The following IGSF21 variants were observed in gnomAD, a reference collection of about 807,000 sequenced individuals.
IGSF21 encodes the protein immunoglobulin superfamily member 21.
A neutral mutation model predicts 46.8 loss-of-function variants in IGSF21; 28 were observed. The observed-to-expected ratio is 0.60, with a 90% CI of 0.44 to 0.82. IGSF21 has a LOEUF of 0.82. Among genes scored for constraint, IGSF21 ranks in the 40% least tolerant of loss-of-function variants. IGSF21 has a pLI of 0.00. For missense variants in IGSF21, 624 were observed against 665.5 expected (o/e 0.94, Z 0.69); for synonymous variants, 284 against 273.6 (o/e 1.04, Z -0.38).
intron 2 of IGSF21, among the ~76,000 whole-genome samples, chr1:18,228,501 T>C (rs933150795): frequency 9.9e-5 from 15 of 152,204 alleles, no homozygotes; most frequent in Middle Eastern, 3.4e-3. Context: ...AGAAGGGAAT[T>C]GGTTAGAGAT....
intron 6 of IGSF21, among the ~76,000 whole-genome samples, chr1:18,374,241 C>G (rs561477366): frequency 6.6e-6 from 1 of 152,326 alleles, no homozygotes; most frequent in South Asian, 2.1e-4. Context: ...CAGAAACTTA[C>G]TTGGGCTCCC....
chr1:18,359,462 GGGAAGGAA>G (rs200525577), intron 4 of IGSF21, among the ~76,000 whole-genome samples: 20,948 of 74,336 alleles, frequency 0.28, 2,869 homozygotes, highest in Non-Finnish European at 0.36. Flanking sequence ...AAGAAAGAAA[GGGAAGGAA>G]GGAAGGAAGG....
Position 18,335,621 on chromosome 1 carries a change from G to A in IGSF21, c.424+611G>A, listed in dbSNP as rs530824183. ...CTCAGAAGCCCCCACTGGCTCTAAT[G>A]TTCTTGTCAGATACACACCTTTGGA... On this transcript the variant is annotated intron_variant, in intron 4 of 9. Transcript: ENST00000251296. This position sits in a 1 kb window ranked among gnomAD's most constrained non-coding sequence, Gnocchi z 4.8. Among the ~76,000 whole-genome samples, 19 of 152,306 alleles carry A rather than the reference G, an allele frequency of 1.2e-4. No homozygotes were observed. The highest frequency in any genetic ancestry group is 4.3e-4 in the African/African-American group (18 of 41,560).
intron 1 of IGSF21, among the ~76,000 whole-genome samples, chr1:18,148,686 A>C (rs59972793): frequency 0.011 from 1,698 of 152,330 alleles, 37 homozygotes; most frequent in African/African-American, 0.039. Flanking sequence ...AGGAAGGTGC[A>C]CAGTAGATGT....
intron 1 of IGSF21, among the ~76,000 whole-genome samples, chr1:18,160,491 G>A (rs2086608516): frequency 6.6e-6 from 1 of 152,210 alleles, no homozygotes; most frequent in Non-Finnish European, 1.5e-5. Flanking sequence ...ACAAGCCCAG[G>A]TGTCTGACTT....
intron 3 of IGSF21, among the ~76,000 whole-genome samples, chr1:18,305,259 T>C (rs2085408286): frequency 6.7e-6 from 1 of 149,062 alleles, no homozygotes; most frequent in Non-Finnish European, 1.5e-5. Context: ...GATGCATGGA[T>C]GGTGGATGGG....
intron 4 of IGSF21, among the ~76,000 whole-genome samples, chr1:18,356,532 G>A (rs1301065054): frequency 6.6e-6 from 1 of 152,204 alleles, no homozygotes; most frequent in Non-Finnish European, 1.5e-5. Flanking sequence ...TCTGTTACCT[G>A]ACTTTGTATT....
At chr1:18,180,283 G>T (rs763932997) in intron 1 of IGSF21, among the ~76,000 whole-genome samples, 1 of 152,204 alleles carries the variant, frequency 6.6e-6, no homozygotes, top group East Asian at 1.9e-4. Flanking sequence ...AATAGTGCCT[G>T]CCATGCAGGG....
intron 4 of IGSF21, among the ~76,000 whole-genome samples, chr1:18,341,616 T>C (rs1339816040): frequency 6.6e-6 from 1 of 152,162 alleles, no homozygotes; most frequent in Non-Finnish European, 1.5e-5. Flanking sequence ...GCAAGGTGAG[T>C]ACTATCACTT....
chr1:18,289,107 A>G (rs2085243408), intron 2 of IGSF21, among the ~76,000 whole-genome samples: 1 of 152,174 alleles, frequency 6.6e-6, no homozygotes, highest in African/African-American at 2.4e-5. Context: ...GTCTCGGCGA[A>G]TAAATTTGAG....
chr1:18,278,819 G>C, intron 2 of IGSF21: 1 of 470,930 alleles, frequency 2.1e-6, no homozygotes, highest in Non-Finnish European at 4.4e-6. Flanking sequence ...GCCTCCAAAA[G>C]TGCTGGGATT....
chr1:18,343,162 C>T (rs2085859771), intron 4 of IGSF21, among the ~76,000 whole-genome samples: 1 of 152,198 alleles, frequency 6.6e-6, no homozygotes, highest in Non-Finnish European at 1.5e-5. Context: ...AGTGATGTCT[C>T]TTTGTGGCTT....
intron 1 of IGSF21, among the ~76,000 whole-genome samples, chr1:18,227,374 A>G (rs1201669706): frequency 1.3e-5 from 2 of 151,996 alleles, no homozygotes; most frequent in Non-Finnish European, 2.9e-5. Flanking sequence ...GCTGCGTAGG[A>G]TGGTGGTGGG....
intron 3 of IGSF21, among the ~76,000 whole-genome samples, chr1:18,330,952 A>C (rs2085706664): frequency 6.6e-6 from 1 of 152,116 alleles, no homozygotes; most frequent in Non-Finnish European, 1.5e-5. Context: ...ACCACCCGAA[A>C]TCCGTAGTTC....
intron 1 of IGSF21, among the ~76,000 whole-genome samples, chr1:18,158,663 ATC>A (rs773342556): frequency 4.6e-5 from 7 of 151,742 alleles, no homozygotes; most frequent in Non-Finnish European, 1.0e-4. Context: ...TTCTCTCTCA[ATC>A]TCTCTGCCTT....
In IGSF21 at chr1:18,356,601, T is replaced by C. The variant is rs527462722; in HGVS notation, c.425-5514T>C. Among the ~76,000 whole-genome samples the C allele has an allele frequency of 2.9e-4, 44 of 152,376 alleles. 2 individuals carry two copies. Among genetic ancestry groups the C allele is most frequent in the Middle Eastern group, 6.8e-3 (2 of 294 alleles). On this transcript the variant is annotated intron_variant, in intron 4 of 9. Coordinates refer to ENST00000251296, the MANE Select transcript of IGSF21 (RefSeq NM_032880.5). ...TTGATATCTGTGTTCACAGCTGATC[T>C]CCCACCTTTGATTGAACACTTCCTG... is the stretch of plus-strand genomic sequence containing the variant.
chr1:18,228,071 G>A, intron 2 of IGSF21, 61 bp downstream of exon 2: 3 of 1,301,766 alleles, frequency 2.3e-6, no homozygotes, highest in South Asian at 2.4e-5. Context: ...GGTCCTCAGA[G>A]CCCTCTGGAC....
intron 3 of IGSF21, among the ~76,000 whole-genome samples, chr1:18,295,480 C>T (rs999273607): frequency 2.0e-5 from 3 of 152,132 alleles, no homozygotes; most frequent in African/African-American, 7.2e-5. Flanking sequence ...AGAAGTGATT[C>T]TAAACCATGG....
At chr1:18,204,114 T>G (rs1472708413) in intron 1 of IGSF21, among the ~76,000 whole-genome samples, 2 of 152,154 alleles carry the variant, frequency 1.3e-5, no homozygotes, top group Admixed American at 1.3e-4. Context: ...ACCATAATCC[T>G]AAAAGCCCTA....
Sources: allele counts gnomAD v4.1 joint callset (sites outside exome capture counted in the v4.1 genomes callset), GRCh38; gene constraint gnomAD v4.1.1; non-coding constraint Gnocchi (gnomAD v3.1); transcripts MANE v1.5; gene names NCBI Gene and HGNC (gene_info 2026-07-23, HGNC 2026-07-21).